The following CADPS variants were observed in gnomAD, a reference collection of about 807,000 sequenced individuals.
The protein encoded by CADPS is calcium dependent secretion activator, also known as calcium-dependent secretion activator 1.
CADPS carries 57 observed loss-of-function variants against 167.3 expected under a neutral mutation model. The ratio of observed to expected loss-of-function variants is 0.34; its 90% CI spans 0.28 to 0.42. The LOEUF (loss-of-function observed/expected upper bound fraction) is 0.42. CADPS is among the 20% of genes least tolerant of loss of function. CADPS has a pLI of 1.00. For missense variants in CADPS, 1,414 were observed against 1,738.1 expected, an observed-to-expected ratio of 0.81 and a Z score of 3.32; for synonymous variants, 676 against 635.3, an observed-to-expected ratio of 1.06 and a Z score of -0.96.
At chr3:62,625,643 C>G (rs1239311422) in intron 6 of CADPS, 1 of 150,882 alleles carries the variant, frequency 6.6e-6, no homozygotes, top group Non-Finnish European at 1.5e-5. Flanking sequence ...TTTATACCTC[C>G]TTTTTAGAAC....
chr3:62,447,092 G>A (rs923707013), intron 26 of CADPS, among the ~76,000 whole-genome samples: 11 of 152,152 alleles, frequency 7.2e-5, no homozygotes, highest in African/African-American at 2.7e-4. Context: ...AATAGGGTGG[G>A]GTGGAAAGAG....
At chr3:62,428,118 T>C (rs1560241342) in intron 28 of CADPS, among the ~76,000 whole-genome samples, 1 of 152,176 alleles carries the variant, frequency 6.6e-6, no homozygotes, top group Non-Finnish European at 1.5e-5. Context: ...GGCAAATCAC[T>C]AGACTCTATT....
chr3:62,429,874 C>T (rs1355843473), intron 28 of CADPS, among the ~76,000 whole-genome samples: 1 of 152,184 alleles, frequency 6.6e-6, no homozygotes, highest in East Asian at 1.9e-4. Context: ...CACCAAATGT[C>T]TTCTGGAACA....
At chr3:62,481,668 T>C in intron 22 of CADPS, 55 bp downstream of exon 22, 3 of 1,482,876 alleles carry the variant, frequency 2.0e-6, no homozygotes, top group Admixed American at 2.3e-5. Flanking sequence ...ACAATACATA[T>C]CCATGCCAAG....
intron 6 of CADPS, among the ~76,000 whole-genome samples, chr3:62,605,096 C>A (rs919590652): frequency 6.6e-6 from 1 of 152,176 alleles, no homozygotes; most frequent in Non-Finnish European, 1.5e-5. Flanking sequence ...ACCTTACAGG[C>A]TCCAGAAGAC....
chr3:62,545,850 T>C (rs895896516), intron 11 of CADPS, among the ~76,000 whole-genome samples: 2 of 152,180 alleles, frequency 1.3e-5, no homozygotes, highest in African/African-American at 4.8e-5. Context: ...TGTTTCTTTT[T>C]CTCTACCCCA....
rs529887472 is a variant in CADPS at position 62,438,402 on chromosome 3, A to G, written c.3670-191T>C. On this transcript the variant is annotated intron_variant, in intron 27 of 29. Coordinates refer to ENST00000383710, the MANE Select transcript of CADPS (RefSeq NM_003716.4). This position sits in a 1 kb window ranked among gnomAD's most constrained non-coding sequence, Gnocchi z 4.7. ...GATATTAGAACTGCTTCCTCTTTCCAGAAATCAAGCCTGGCTAAGAAGGGC... is the reference window on the plus strand; with the variant it reads ...GATATTAGAACTGCTTCCTCTTTCCGGAAATCAAGCCTGGCTAAGAAGGGC... 54 of 523,448 alleles carry G rather than the reference A, an allele frequency of 1.0e-4. No homozygotes were observed. The highest frequency in any genetic ancestry group is 8.3e-4 in the Middle Eastern group (3 of 3,598). The allele number at this position is 523,448 out of a possible 1,614,324, so 32.4% of individuals were successfully genotyped here.
chr3:62,736,762 A>G (rs140490250), intron 3 of CADPS, among the ~76,000 whole-genome samples: 253 of 152,328 alleles, frequency 1.7e-3, no homozygotes, highest in African/African-American at 5.5e-3. Flanking sequence ...TTCTTACTAT[A>G]TCCTGCATAC....
intron 21 of CADPS, among the ~76,000 whole-genome samples, chr3:62,489,362 G>T (rs370623424): frequency 3.3e-5 from 5 of 152,210 alleles, no homozygotes; most frequent in African/African-American, 1.2e-4. Context: ...GGGTTTCACC[G>T]TGTTAGCCAG....
At chr3:62,561,985 A>C (rs1038922685) in intron 9 of CADPS, among the ~76,000 whole-genome samples, 1 of 152,244 alleles carries the variant, frequency 6.6e-6, no homozygotes, top group African/African-American at 2.4e-5. Context: ...ATAAACATGC[A>C]AAAAACCAGA....
At chr3:62,808,059 G>A (rs2094195304) in intron 1 of CADPS, among the ~76,000 whole-genome samples, 1 of 151,956 alleles carries the variant, frequency 6.6e-6, no homozygotes, top group African/African-American at 2.4e-5. Flanking sequence ...ATTTTTAGTA[G>A]AGATGGGGTT....
At chr3:62,466,456 A>G (rs752499663) in intron 24 of CADPS, 43 bp from the exon 25 acceptor site, 11 of 1,234,110 alleles carry the variant, frequency 8.9e-6, no homozygotes, top group South Asian at 6.1e-5. Context: ...TTGGGAGGTG[A>G]TGGCACTGCA....
intron 13 of CADPS, chr3:62,530,961 G>C (rs1168496352): frequency 5.1e-6 from 1 of 195,524 alleles, no homozygotes. Context: ...AAAATAATAA[G>C]AAAAAAAGAT....
At chr3:62,749,940 A>G (rs1232684241) in intron 3 of CADPS, among the ~76,000 whole-genome samples, 1 of 152,218 alleles carries the variant, frequency 6.6e-6, no homozygotes, top group Admixed American at 6.5e-5. Context: ...GGGCCAGCCA[A>G]TGAAGAGTTT....
chr3:62,791,808 A>C lies in CADPS; in HGVS notation c.442-25824T>G, dbSNP rs979518120. ...TCCTAAATGTGTCACGTTAAGCAAG[A>C]TAGTTTACCTCTCTGTTTCCCCATC... On this transcript the variant is annotated intron_variant, in intron 1 of 29. Transcript: ENST00000383710. Among the ~76,000 whole-genome samples, 23 of 152,310 alleles carry C rather than the reference A, an allele frequency of 1.5e-4. No homozygotes were observed. In the South Asian group the frequency reaches 2.1e-3, roughly 14 times the overall value.
intron 3 of CADPS, among the ~76,000 whole-genome samples, chr3:62,671,617 C>T (rs956814738): frequency 2.6e-5 from 4 of 152,178 alleles, no homozygotes; most frequent in Non-Finnish European, 5.9e-5. Flanking sequence ...TTCATCCTCT[C>T]TTGCTTCCCT....
At chr3:62,750,168 A>G (rs186538831) in intron 3 of CADPS, among the ~76,000 whole-genome samples, 20 of 151,944 alleles carry the variant, frequency 1.3e-4, no homozygotes, top group African/African-American at 1.9e-4. Flanking sequence ...CCTGGCCAAC[A>G]TGGAAAAACC....
intron 6 of CADPS, among the ~76,000 whole-genome samples, chr3:62,596,323 G>A (rs1578453361): frequency 6.6e-6 from 1 of 151,602 alleles, no homozygotes; most frequent in Admixed American, 6.6e-5. Context: ...AGCCTCCCAA[G>A]TAGCTGGGAT....
At chr3:62,632,497 G>A (rs2065473068) in intron 6 of CADPS, among the ~76,000 whole-genome samples, 1 of 152,054 alleles carries the variant, frequency 6.6e-6, no homozygotes, top group Non-Finnish European at 1.5e-5. Flanking sequence ...GAAGGGTCCT[G>A]GGTCCAAGAT....
Sources: gnomAD v4.1 joint callset for allele counts (sites outside exome capture counted in the v4.1 genomes callset) on GRCh38, gnomAD v4.1.1 for gene constraint, Gnocchi (gnomAD v3.1) non-coding constraint, MANE v1.5 for transcripts, NCBI Gene and HGNC (gene_info 2026-07-23, HGNC 2026-07-21) for gene names.